The following ADGRG4 variants were observed in gnomAD, a reference collection of about 807,000 sequenced individuals.
ADGRG4 encodes the protein G protein-coupled receptor 112.
A neutral mutation model predicts 126.2 loss-of-function variants in ADGRG4; 122 were observed. The observed-to-expected ratio is 0.97, with a 90% CI of 0.83 to 1.12. The LOEUF (loss-of-function observed/expected upper bound fraction) is 1.12, where lower values mean the gene tolerates loss of function less well. Ranked by LOEUF, ADGRG4 falls within the 50% of genes most tolerant of loss-of-function variation. The pLI is 0.00. For synonymous variants in ADGRG4, 943 were observed against 838.7 expected, an observed-to-expected ratio of 1.12 and a Z score of -2.15; for missense variants, 2,481 against 2,251.8, an observed-to-expected ratio of 1.10 and a Z score of -2.06.
Position 136,363,650 on chromosome X carries a change from A to G in ADGRG4, c.7396+55A>G, listed in dbSNP as rs143882249. ...TTATGGAACTTCAATTACTTTGCCTACTTGACCCCAAACCAGAGAGAGTAT... is the reference window on the plus strand; with the variant it reads ...TTATGGAACTTCAATTACTTTGCCTGCTTGACCCCAAACCAGAGAGAGTAT... On this transcript the variant is annotated intron_variant, in intron 13 of 25. Transcript: ENST00000394143. 1.3e-5 allele frequency: 10 copies of G among 786,385 alleles called. No homozygotes were observed. In the East Asian group the frequency reaches 2.9e-4, roughly 23 times the overall value. 64.8% of individuals were successfully genotyped at this position (786,385 alleles called of 1,213,427 possible).
At chrX:136,380,604 C>CTCCTCTTCT (rs2075255832) in intron 15 of ADGRG4, among the ~76,000 whole-genome samples, 3 of 55,346 alleles carry the variant, frequency 5.4e-5, no homozygotes, top group African/African-American at 1.4e-4. Context: ...CCTCCTCCTC[C>CTCCTCTTCT]TCTTCTTCTT....
chrX:136,408,638 T>G (rs1229484107), intron 23 of ADGRG4, among the ~76,000 whole-genome samples: 1 of 112,179 alleles, frequency 8.9e-6, no homozygotes, highest in Non-Finnish European at 1.9e-5. Flanking sequence ...CCTAGTTTGA[T>G]TCCATGTCTT....
Position 136,371,436 on chromosome X carries a change from A to C in ADGRG4, c.7505A>C (p.Gln2502Pro), listed in dbSNP as rs2075193355. The C allele has an allele frequency of 8.4e-7, 1 of 1,187,155 alleles. No homozygotes were observed. The highest frequency in any genetic ancestry group is 1.1e-6 in the Non-Finnish European group (1 of 876,576). The change falls in exon 14 of 26, where the codon CAA becomes CCA. Residue 2502 changes from glutamine to proline, a missense_variant. Transcript: ENST00000394143. Reference sequence around the variant, plus strand: ...GTTTCTAAAATATCAGATATTTCACAATGTGATGAGATAAGTATGAACCTA... The same window carrying C: ...GTTTCTAAAATATCAGATATTTCACCATGTGATGAGATAAGTATGAACCTA... ...IIVSKISDIS[Q>P]CDEISMNLTH...
In ADGRG4 at chrX:136,380,604, C is replaced by CTCTTCTTCT. The variant is rs1219064272; in HGVS notation, c.7777-7097_7777-7089dup. 2.5e-3 allele frequency among the ~76,000 whole-genome samples: 137 copies of CTCTTCTTCT among 55,345 alleles called. 1 individual carries two copies. Among genetic ancestry groups the CTCTTCTTCT allele is most frequent in the South Asian group, 0.013 (11 of 859 alleles). The allele number at this position is 55,345 out of a possible 115,157, so 48.1% of individuals were successfully genotyped here. A position where few individuals can be genotyped will look rare whatever the true frequency, so the allele number is the denominator to read the frequency against. ...CCTCCTCCTCCTCCTCCTCCTCCTC[C>CTCTTCTTCT]TCTTCTTCTTCTTCTTCTTCTTCTT... On this transcript the variant is annotated intron_variant, in intron 15 of 25. Transcript: ENST00000394143.
At chrX:136,387,488 A>G (rs2075297963) in intron 15 of ADGRG4, among the ~76,000 whole-genome samples, 1 of 111,843 alleles carries the variant, frequency 8.9e-6, no homozygotes, top group Non-Finnish European at 1.9e-5. Context: ...TCAAAGGGAG[A>G]GAACCTCAGG....
rs186954586 is a variant in ADGRG4, at chrX:136,346,073, A to G, written c.2367A>G (p.Ile789Met). 8 of 1,208,095 alleles carry G rather than the reference A, an allele frequency of 6.6e-6. No homozygotes were observed. The highest frequency in any genetic ancestry group is 6.7e-6 in the Non-Finnish European group (6 of 893,970). ...CTGTTGTTCCATCAGTAGATATAATATCTACTCTTGCTTGCATTCAACCAA... is the reference window on the plus strand; with the variant it reads ...CTGTTGTTCCATCAGTAGATATAATGTCTACTCTTGCTTGCATTCAACCAA... The part of the protein sequence containing the change: ...RETVVPSVDI[I>M]STLACIQPNF... The change falls in exon 6 of 26, where the codon ATA becomes ATG. Residue 789 changes from isoleucine to methionine, a missense_variant. Ile to Met is a conservative substitution (Grantham distance 10). Coordinates refer to ENST00000394143, the MANE Select transcript of ADGRG4 (RefSeq NM_153834.4).
intron 19 of ADGRG4, among the ~76,000 whole-genome samples, 188 bp downstream of exon 19, chrX:136,395,681 T>A (rs1439720725): frequency 8.9e-6 from 1 of 112,157 alleles, no homozygotes; most frequent in African/African-American, 3.2e-5. Flanking sequence ...AAATTAATGC[T>A]TGCTTCTCAA....
Position 136,416,692 on chromosome X carries a change from CA to C in ADGRG4, c.*206del. 6.6e-6 allele frequency: 2 copies of C among 301,326 alleles called. No individual in the cohort carries two copies. The highest frequency in any genetic ancestry group is 1.2e-5 in the Non-Finnish European group (2 of 172,495). The allele number at this position is 301,326 out of a possible 1,213,427, so 24.8% of individuals were successfully genotyped here. A position where few individuals can be genotyped will look rare whatever the true frequency, so the allele number is the denominator to read the frequency against. The stretch of plus-strand genomic sequence containing the variant: ...AAAAAAACAAAAATAAAAAGCAAAA[CA>C]AAAATCCCAAAATGAATTCCATTCA... On this transcript the variant is annotated 3_prime_UTR_variant, in exon 26 of 26. Coordinates refer to ENST00000394143, the MANE Select transcript of ADGRG4 (RefSeq NM_153834.4).
chrX:136,375,030 C>A (rs1352949438), intron 15 of ADGRG4, among the ~76,000 whole-genome samples: 2 of 108,859 alleles, frequency 1.8e-5, no homozygotes, highest in Non-Finnish European at 3.8e-5. Flanking sequence ...TATCCTTCAC[C>A]CCCCCCACCA....
Position 136,346,924 on chromosome X carries a change from C to T in ADGRG4, c.3218C>T (p.Thr1073Ile). Reference sequence around the variant, plus strand: ...CCACCTTTGGATCAGACTGCTTCCACAACCATTGTTATTGTGCCTACCCAT... The same window carrying T: ...CCACCTTTGGATCAGACTGCTTCCATAACCATTGTTATTGTGCCTACCCAT... Reference protein sequence around the residue: ...LVPPLDQTASTTIVIVPTHGD... With the variant: ...LVPPLDQTASITIVIVPTHGD... The change falls in exon 6 of 26, where the codon ACA becomes ATA. Residue 1073 changes from threonine (T) to isoleucine (I), a missense_variant. Physicochemically the swap from Thr to Ile is moderately conservative, Grantham distance 89. Transcript: ENST00000394143. The T allele has an allele frequency of 8.3e-7, 1 of 1,211,218 alleles. No homozygotes were observed. Among genetic ancestry groups the T allele is most frequent in the Non-Finnish European group, 1.1e-6 (1 of 895,094 alleles).
At chrX:136,313,888 G>A (rs1431171354) in intron 4 of ADGRG4, among the ~76,000 whole-genome samples, 1 of 110,695 alleles carries the variant, frequency 9.0e-6, no homozygotes, top group Non-Finnish European at 1.9e-5. Flanking sequence ...TCTTAGTAGA[G>A]GGCCCTGTAT....
chrX:136,331,992 AT>A lies in ADGRG4; in HGVS notation c.685+8609del, dbSNP rs1175543451. 6.9e-4 allele frequency among the ~76,000 whole-genome samples: 73 copies of A among 106,186 alleles called. 1 individual carries two copies. The highest frequency in any genetic ancestry group is 2.6e-3 in the South Asian group (6 of 2,326). The allele number at this position is 106,186 out of a possible 115,157, so 92.2% of individuals were successfully genotyped here. On this transcript the variant is annotated intron_variant, in intron 5 of 25. Transcript: ENST00000394143. ...CCAACACGCCCGACTAATTTTTTGT[AT>A]TTTTTTTTAATTTTTATTTTTTTTA...
chrX:136,351,331 C>T (rs192507455), intron 6 of ADGRG4, 116 bp from the exon 7 acceptor site: 1 of 366,243 alleles, frequency 2.7e-6, no homozygotes, highest in East Asian at 4.7e-5. Flanking sequence ...TAAGTTTAGG[C>T]ATGAGACGTT....
intron 23 of ADGRG4, among the ~76,000 whole-genome samples, chrX:136,410,654 T>C (rs1048692927): frequency 8.9e-6 from 1 of 111,944 alleles, no homozygotes; most frequent in Admixed American, 9.5e-5. Context: ...ATCACTATGT[T>C]GTAGATGGAT....
intron 15 of ADGRG4, among the ~76,000 whole-genome samples, chrX:136,377,953 G>T: frequency 9.2e-6 from 1 of 108,901 alleles, no homozygotes; most frequent in South Asian, 4.0e-4. Flanking sequence ...AGATTGCTTT[G>T]GTTATTCTAA....
At chrX:136,393,100 G>A (rs2075328234) in intron 17 of ADGRG4, among the ~76,000 whole-genome samples, 1 of 111,649 alleles carries the variant, frequency 9.0e-6, no homozygotes, top group African/African-American at 3.3e-5. Flanking sequence ...TACAGGAGCT[G>A]GTGAAGTCTT....
chrX:136,330,981 C>T (rs942268097), intron 5 of ADGRG4, among the ~76,000 whole-genome samples: 4 of 110,396 alleles, frequency 3.6e-5, no homozygotes, highest in African/African-American at 1.3e-4. Context: ...CCTCCTTCCC[C>T]TCCCCCAAGT....
chrX:136,416,115 G>A (rs1569341419), intron 25 of ADGRG4, among the ~76,000 whole-genome samples: 1 of 111,980 alleles, frequency 8.9e-6, no homozygotes, highest in Non-Finnish European at 1.9e-5. Flanking sequence ...AATATGTAAG[G>A]GGTATAAATG....
chrX:136,336,719 AC>A (rs1394704529), intron 5 of ADGRG4, among the ~76,000 whole-genome samples: 1 of 111,659 alleles, frequency 9.0e-6, no homozygotes, highest in African/African-American at 3.3e-5. Context: ...CTTTCAACCT[AC>A]CTATATGATG....
Sources: allele counts gnomAD v4.1 joint callset (sites outside exome capture counted in the v4.1 genomes callset), GRCh38; gene constraint gnomAD v4.1.1; transcripts MANE v1.5; gene names NCBI Gene and HGNC (gene_info 2026-07-23, HGNC 2026-07-21).